AHRR: variants seen among roughly 807,000 people sequenced by gnomAD.
AHRR encodes the protein aryl hydrocarbon receptor repressor, also known as ahR repressor.
Under a neutral mutation model 44.0 loss-of-function variants are expected in AHRR, and 28 were observed. The ratio of observed to expected loss-of-function variants is 0.64; its 90% CI spans 0.47 to 0.87. The LOEUF (loss-of-function observed/expected upper bound fraction) is 0.87. Ranked by LOEUF, AHRR falls within the 40% of genes least tolerant of loss-of-function variation. The probability of loss-of-function intolerance (pLI) is 0.00; values close to 1 mark genes in which losing one functional copy is unlikely to be tolerated. For missense variants in AHRR, 990 were observed against 953.9 expected (o/e 1.04, Z -0.50); for synonymous variants, 434 against 407.0 (o/e 1.07, Z -0.80).
At chr5:336,436 A>G (rs1742127244) in intron 1 of AHRR, among the ~76,000 whole-genome samples, 1 of 152,192 alleles carries the variant, frequency 6.6e-6, no homozygotes, top group African/African-American at 2.4e-5. Context: ...GTGTGCTTGA[A>G]ATGCTTCTAG....
intron 8 of AHRR, among the ~76,000 whole-genome samples, chr5:431,275 C>T (rs1251535415): frequency 6.6e-6 from 1 of 152,232 alleles, no homozygotes; most frequent in Non-Finnish European, 1.5e-5. Context: ...GGACGAGACC[C>T]CCTGTGGGGC....
At position 342,270 on chromosome 5, in the gene AHRR, AT is replaced by A. The variant is rs1742373130; in HGVS notation, c.-10-1622del. On this transcript the variant is annotated intron_variant, in intron 1 of 10. Transcript: ENST00000684583. The surrounding 1 kb of genome is among the most constrained non-coding windows in gnomAD (Gnocchi z 4.3). ...TGTTCTATTGATCACTGAGATAGGA[AT>A]GTTAATGTCTCCCATGAATTATCCT... Among the ~76,000 whole-genome samples, 1 of 152,216 alleles carries A rather than the reference AT, an allele frequency of 6.6e-6. No homozygotes were observed. The highest frequency in any genetic ancestry group is 1.5e-5 in the Non-Finnish European group (1 of 68,038).
intron 5 of AHRR, among the ~76,000 whole-genome samples, chr5:415,697 C>CCGAATCTCCCTGGTGGGGCG (rs1560916484): frequency 6.6e-6 from 1 of 151,432 alleles, no homozygotes; most frequent in Non-Finnish European, 1.5e-5. Context: ...GGCCTAGGGG[C>CCGAATCTCCCTGGTGGGGCG]GGAGTCTGCC....
In AHRR at chr5:325,868, C is replaced by T. The variant is rs188441233; in HGVS notation, c.-11+4049C>T. 3.4e-3 allele frequency among the ~76,000 whole-genome samples: 516 copies of T among 152,236 alleles called. 2 individuals are homozygous for T. Among genetic ancestry groups the T allele is most frequent in the Non-Finnish European group, 6.2e-3 (423 of 68,016 alleles). ...CGTGATCTTGGCTTACTTCTACCTC[C>T]ACCTCCTGGGTTCAAGCGATTCTCC... On this transcript the variant is annotated intron_variant, in intron 1 of 10. Coordinates refer to ENST00000684583, the MANE Select transcript of AHRR (RefSeq NM_001377236.1).
chr5:420,093 C>T (rs1274115136), intron 5 of AHRR, among the ~76,000 whole-genome samples: 2 of 152,216 alleles, frequency 1.3e-5, no homozygotes, highest in South Asian at 2.1e-4. Flanking sequence ...TTCCCTCTGA[C>T]GGGCCCTGAG....
At chr5:416,649 T>C (rs1199211736) in intron 5 of AHRR, among the ~76,000 whole-genome samples, 3 of 152,200 alleles carry the variant, frequency 2.0e-5, no homozygotes, top group Non-Finnish European at 4.4e-5. Context: ...TCAGATCCCA[T>C]GGAGCTGCCG....
At chr5:350,258 C>T (rs1742813353) in intron 2 of AHRR, among the ~76,000 whole-genome samples, 1 of 152,176 alleles carries the variant, frequency 6.6e-6, no homozygotes. Context: ...GGTATATCTT[C>T]CTGCGTATTT....
rs1181553562 is a variant in AHRR at position 337,879 on chromosome 5, T to G, written c.-10-6014T>G. Among the ~76,000 whole-genome samples the G allele has an allele frequency of 6.6e-6, 1 of 152,210 alleles. No individual in the cohort carries two copies. Among genetic ancestry groups the G allele is most frequent in the African/African-American group, 2.4e-5 (1 of 41,454 alleles). On this transcript the variant is annotated intron_variant, in intron 1 of 10. Transcript: ENST00000684583. This position sits in a 1 kb window ranked among gnomAD's most constrained non-coding sequence, Gnocchi z 4.1. ...AGGAACACGAAAAAATAGGAAGCACTGGAACCAGGAGAGGCTCCTTCTTCC... is the reference window on the plus strand; with the variant it reads ...AGGAACACGAAAAAATAGGAAGCACGGGAACCAGGAGAGGCTCCTTCTTCC...
chr5:367,745 C>T (rs1485733927), intron 3 of AHRR: 1 of 670,478 alleles, frequency 1.5e-6, no homozygotes, highest in Admixed American at 2.1e-5. Flanking sequence ...TGCTCGTTCT[C>T]TCCTAGTGCT....
At chr5:430,182 A>G (rs181588238) in intron 8 of AHRR, among the ~76,000 whole-genome samples, 1 of 152,244 alleles carries the variant, frequency 6.6e-6, no homozygotes, top group Admixed American at 6.5e-5. Context: ...CTTAACTTCC[A>G]TTAGTATTCA....
intron 4 of AHRR, among the ~76,000 whole-genome samples, chr5:380,460 G>A (rs1023196310): frequency 2.6e-5 from 4 of 152,156 alleles, no homozygotes; most frequent in African/African-American, 9.7e-5. Context: ...CCCAATCCAT[G>A]AACATGGTAT....
At chr5:415,399 G>C (rs368237804) in intron 5 of AHRR, among the ~76,000 whole-genome samples, 3,498 of 57,166 alleles carry the variant, frequency 0.061, 25 homozygotes, top group Non-Finnish European at 0.07. Context: ...GGCCGAGTCT[G>C]CCTGGTCGGG....
At chr5:343,359 G>A (rs1339546502) in intron 1 of AHRR, among the ~76,000 whole-genome samples, 3 of 139,550 alleles carry the variant, frequency 2.1e-5, no homozygotes, top group Admixed American at 7.2e-5. Context: ...TACCTTCTCG[G>A]GGTGATGGGA....
chr5:382,424 A>G (rs900717256), intron 4 of AHRR, among the ~76,000 whole-genome samples: 1 of 152,044 alleles, frequency 6.6e-6, no homozygotes, highest in African/African-American at 2.4e-5. Context: ...TACTTTATTG[A>G]ATTTGTGATA....
chr5:354,511 C>A (rs1742974901), intron 3 of AHRR, among the ~76,000 whole-genome samples: 1 of 152,140 alleles, frequency 6.6e-6, no homozygotes, highest in Non-Finnish European at 1.5e-5. Flanking sequence ...AGGCCTGTGC[C>A]CTGTCTGTCC....
intron 1 of AHRR, among the ~76,000 whole-genome samples, chr5:333,104 C>T (rs1741989118): frequency 1.3e-5 from 2 of 151,868 alleles, no homozygotes; most frequent in Admixed American, 6.6e-5. Context: ...GACAGGATCT[C>T]GCTATGTTGC....
chr5:340,688 A>ATATATATATATATATATATATATATAT (rs1269938749), intron 1 of AHRR, among the ~76,000 whole-genome samples: 1 of 12,916 alleles, frequency 7.7e-5, no homozygotes, highest in African/African-American at 4.0e-4. Context: ...ATATATATAT[A>ATATATATATATATATATATATATATAT]TTTTTTTTTT....
At chr5:333,755 G>T (rs1011298958) in intron 1 of AHRR, among the ~76,000 whole-genome samples, 3 of 152,112 alleles carry the variant, frequency 2.0e-5, no homozygotes, top group African/African-American at 7.2e-5. Context: ...ATTGTGGTTT[G>T]GCTGAATTCT....
chr5:400,334 C>T (rs1734960738), intron 4 of AHRR, among the ~76,000 whole-genome samples: 2 of 152,158 alleles, frequency 1.3e-5, no homozygotes, highest in Non-Finnish European at 1.5e-5. Context: ...TGCCCCATTC[C>T]CTGCGGTCCC....
Sources: allele counts gnomAD v4.1 joint callset (sites outside exome capture counted in the v4.1 genomes callset), GRCh38; gene constraint gnomAD v4.1.1; non-coding constraint Gnocchi (gnomAD v3.1); transcripts MANE v1.5; gene names NCBI Gene and HGNC (gene_info 2026-07-23, HGNC 2026-07-21).